The following BMP6 variants were observed in gnomAD, a reference collection of about 807,000 sequenced individuals.
BMP6 encodes VG-1-R.
A neutral mutation model predicts 54.1 loss-of-function variants in BMP6; 17 were observed. That is an observed-to-expected ratio of 0.31 (90% CI 0.22 to 0.47). The LOEUF (loss-of-function observed/expected upper bound fraction) is 0.47. Among genes scored for constraint, BMP6 ranks in the 20% least tolerant of loss-of-function variants. BMP6 has a pLI of 1.00. For synonymous variants in BMP6, 328 were observed against 291.2 expected, an observed-to-expected ratio of 1.13 and a Z score of -1.28; for missense variants, 720 against 690.4, an observed-to-expected ratio of 1.04 and a Z score of -0.48.
At chr6:7,789,834 C>T (rs1283102745) in intron 1 of BMP6, among the ~76,000 whole-genome samples, 1 of 152,178 alleles carries the variant, frequency 6.6e-6, no homozygotes, top group Non-Finnish European at 1.5e-5. Flanking sequence ...CCCTTGCCAG[C>T]CCACACTGAG....
chr6:7,816,292 A>G (rs1758525053), intron 1 of BMP6, among the ~76,000 whole-genome samples: 1 of 152,216 alleles, frequency 6.6e-6, no homozygotes, highest in Non-Finnish European at 1.5e-5. Context: ...ACATTTGTGT[A>G]ACTTGTGGGC....
chr6:7,771,793 C>T (rs1757792599), intron 1 of BMP6, among the ~76,000 whole-genome samples: 3 of 152,176 alleles, frequency 2.0e-5, no homozygotes. Flanking sequence ...TGGCTCATGC[C>T]TGTAATCCCA....
Position 7,727,375 on chromosome 6 carries a change from C to T in BMP6, c.420C>T (p.Tyr140=), listed in dbSNP as rs370431061. Residue 140 remains tyrosine (Y), a synonymous_variant, in exon 1 of 7, where the codon TAC becomes TAT. Transcript: ENST00000283147. ...KSAPLFMLDL[Y]NALSADNDED... ...CGCCCCTCTTCATGCTGGATCTGTA[C>T]AACGCCCTGTCCGCCGACAACGACG... is the stretch of plus-strand genomic sequence containing the variant. The T allele has an allele frequency of 8.7e-6, 14 of 1,609,122 alleles. No individual in the cohort carries two copies. The highest frequency in any genetic ancestry group is 6.7e-5 in the Admixed American group (4 of 59,748).
At chr6:7,759,200 G>A (rs1017517318) in intron 1 of BMP6, among the ~76,000 whole-genome samples, 13 of 152,134 alleles carry the variant, frequency 8.5e-5, no homozygotes, top group Admixed American at 3.3e-4. Context: ...TACCATATAT[G>A]TATGTATGTA....
chr6:7,828,011 G>A (rs1188149068), intron 1 of BMP6, among the ~76,000 whole-genome samples: 1 of 152,186 alleles, frequency 6.6e-6, no homozygotes, highest in Non-Finnish European at 1.5e-5. Context: ...GGAGTGATAA[G>A]GCACTATTTT....
At chr6:7,831,645 C>T (rs546866338) in intron 1 of BMP6, among the ~76,000 whole-genome samples, 9 of 152,170 alleles carry the variant, frequency 5.9e-5, no homozygotes, top group African/African-American at 9.7e-5. Context: ...TAAAATTTAA[C>T]GTGCTTGAAG....
At chr6:7,737,893 G>A (rs1581226895) in intron 1 of BMP6, among the ~76,000 whole-genome samples, 1 of 152,116 alleles carries the variant, frequency 6.6e-6, no homozygotes, top group Non-Finnish European at 1.5e-5. Flanking sequence ...AGAGGAAAGA[G>A]AACTGGATTA....
intron 1 of BMP6, among the ~76,000 whole-genome samples, chr6:7,782,462 G>A (rs752285791): frequency 6.6e-6 from 1 of 152,172 alleles, no homozygotes. Flanking sequence ...TGTAATCCCA[G>A]CACTTTGGAA....
chr6:7,727,107 G>A lies in BMP6; in HGVS notation c.152G>A (p.Gly51Asp). 3 of 1,432,660 alleles carry A rather than the reference G, an allele frequency of 2.1e-6. No homozygotes were observed. Among genetic ancestry groups the A allele is most frequent in the South Asian group, 1.5e-5 (1 of 68,754 alleles). The allele number at this position is 1,432,660 out of a possible 1,614,324, so 88.7% of individuals were successfully genotyped here. Residue 51 changes from glycine (G) to aspartate (D), a missense_variant, in exon 1 of 7, where the codon GGC becomes GAC. Transcript: ENST00000283147. ...CTGCTGGGGGACGGCGGGAGCCCCG[G>A]CCGCACGGAGCAGCCGCCGCCGTCG... is the stretch of plus-strand genomic sequence containing the variant. ...GQLLGDGGSP[G>D]RTEQPPPSPQ...
intron 1 of BMP6, among the ~76,000 whole-genome samples, chr6:7,840,515 G>T (rs1392988551): frequency 2.6e-5 from 4 of 152,026 alleles, no homozygotes; most frequent in Non-Finnish European, 1.5e-5. Flanking sequence ...TAAGGCTTTT[G>T]TTCCTATGTG....
Position 7,878,182 on chromosome 6 carries a change from G to A in BMP6, c.1205-892G>A, listed in dbSNP as rs182083141. Among the ~76,000 whole-genome samples the A allele has an allele frequency of 8.3e-3, 1,258 of 152,208 alleles. 11 individuals carry two copies. The highest frequency in any genetic ancestry group is 0.013 in the Non-Finnish European group (893 of 68,008). On this transcript the variant is annotated intron_variant, in intron 4 of 6. Transcript: ENST00000283147. Reference sequence around the variant, plus strand: ...TGATATTTGCCTATGGCCTTTGCCCGTAGCATCCATGTTCTGGTTTGTATT... The same window carrying A: ...TGATATTTGCCTATGGCCTTTGCCCATAGCATCCATGTTCTGGTTTGTATT...
chr6:7,808,870 T>C (rs570149810), intron 1 of BMP6, among the ~76,000 whole-genome samples: 5 of 135,936 alleles, frequency 3.7e-5, no homozygotes, highest in African/African-American at 1.4e-4. Flanking sequence ...GCTATGATAG[T>C]GGAACTGCAC....
At chr6:7,844,085 T>C (rs1017875268) in intron 1 of BMP6, among the ~76,000 whole-genome samples, 1 of 152,210 alleles carries the variant, frequency 6.6e-6, no homozygotes, top group Non-Finnish European at 1.5e-5. Context: ...CATTCTATTT[T>C]CTGCTTCTGT....
chr6:7,879,118 C>T lies in BMP6; in HGVS notation c.1249C>T (p.Leu417=). The T allele has an allele frequency of 6.2e-7, 1 of 1,614,192 alleles. No homozygotes were observed. Among genetic ancestry groups the T allele is most frequent in the Non-Finnish European group, 8.5e-7 (1 of 1,180,008 alleles). ...GAAAACAGCCTGCAGGAAGCATGAGCTGTATGTGAGTTTCCAAGACCTGGG... is the reference window on the plus strand; with the variant it reads ...GAAAACAGCCTGCAGGAAGCATGAGTTGTATGTGAGTTTCCAAGACCTGGG... ...ELKTACRKHE[L]YVSFQDLGWQ... The change falls in exon 5 of 7, where the codon CTG becomes TTG. Residue 417 remains leucine, a synonymous_variant. Transcript: ENST00000283147.
At chr6:7,749,423 A>G (rs998687678) in intron 1 of BMP6, among the ~76,000 whole-genome samples, 1 of 152,122 alleles carries the variant, frequency 6.6e-6, no homozygotes, top group African/African-American at 2.4e-5. Flanking sequence ...CTATTTCCAC[A>G]TATGTTCAAT....
At chr6:7,874,337 A>G (rs1274388816) in intron 4 of BMP6, among the ~76,000 whole-genome samples, 1 of 152,190 alleles carries the variant, frequency 6.6e-6, no homozygotes, top group African/African-American at 2.4e-5. Flanking sequence ...TTGTTCCTGG[A>G]ATAGGTGAAG....
chr6:7,856,074 A>G (rs1759226684), intron 2 of BMP6, among the ~76,000 whole-genome samples: 1 of 149,108 alleles, frequency 6.7e-6, no homozygotes, highest in South Asian at 2.2e-4. Context: ...ACGTCTCTTC[A>G]TACCATGCTA....
At chr6:7,755,682 T>G (rs1190731157) in intron 1 of BMP6, among the ~76,000 whole-genome samples, 1 of 152,100 alleles carries the variant, frequency 6.6e-6, no homozygotes, top group African/African-American at 2.4e-5. Context: ...TCTAGAATCA[T>G]GTTCCTTCTG....
chr6:7,859,170 G>C (rs1165835635), intron 2 of BMP6, among the ~76,000 whole-genome samples: 1 of 151,814 alleles, frequency 6.6e-6, no homozygotes, highest in Non-Finnish European at 1.5e-5. Flanking sequence ...TTCTCTTTCT[G>C]CTCTTCTCTG....
Sources: allele counts gnomAD v4.1 joint callset (sites outside exome capture counted in the v4.1 genomes callset), GRCh38; gene constraint gnomAD v4.1.1; transcripts MANE v1.5; gene names NCBI Gene and HGNC (gene_info 2026-07-23, HGNC 2026-07-21).